EPN1: variants seen among roughly 807,000 people sequenced by gnomAD.
EPN1 encodes the protein epsin 1.
EPN1 carries 25 observed loss-of-function variants against 56.9 expected under a neutral mutation model. The observed-to-expected ratio is 0.44, with a 90% CI of 0.32 to 0.61. EPN1 has a LOEUF of 0.61. Ranked by LOEUF, EPN1 falls within the 20% of genes least tolerant of loss-of-function variation. The pLI, the probability that EPN1 is intolerant of heterozygous loss-of-function variation, is 0.05. For missense variants in EPN1, 785 were observed against 823.7 expected (o/e 0.95, Z 0.58); for synonymous variants, 411 against 361.8 (o/e 1.14, Z -1.54).
At chr19:55,693,124 C>A in intron 9 of EPN1, 87 bp downstream of exon 9, 1 of 1,353,812 alleles carries the variant, frequency 7.4e-7, no homozygotes, top group Non-Finnish European at 1.0e-6. Context: ...CTTTGTCCCA[C>A]TCCAGGCAGG....
In EPN1 at chr19:55,684,353, T is replaced by C. The variant is rs1251295218; in HGVS notation, c.229-1043T>C. ...TGCAGAATCAAAGTTGTGCCTTTTT[T>C]TGAGGTCAGTGACCAAGACACCCCC... On this transcript the variant is annotated intron_variant, in intron 2 of 10. Coordinates refer to ENST00000270460, the MANE Select transcript of EPN1 (RefSeq NM_001130072.2). 4.6e-5 allele frequency among the ~76,000 whole-genome samples: 7 copies of C among 152,092 alleles called. 1 individual carries two copies. The highest frequency in any genetic ancestry group is 1.0e-4 in the Non-Finnish European group (7 of 68,000).
intron 2 of EPN1, chr19:55,680,760 C>A: frequency 6.6e-6 from 1 of 152,520 alleles, no homozygotes. Context: ...CCCGCAGTCC[C>A]CTTCTGGAAG....
intron 3 of EPN1, 148 bp downstream of exon 3, chr19:55,685,793 T>A: frequency 9.6e-7 from 1 of 1,044,666 alleles, no homozygotes; most frequent in South Asian, 1.6e-5. Flanking sequence ...CCCCTTGCTC[T>A]GGTCTCACTT....
At chr19:55,684,582 G>T (rs1986037839) in intron 2 of EPN1, among the ~76,000 whole-genome samples, 2 of 152,192 alleles carry the variant, frequency 1.3e-5, no homozygotes, top group Non-Finnish European at 2.9e-5. Flanking sequence ...TTTTGCTCCT[G>T]GTGGTGTGGA....
At chr19:55,677,415 G>C (rs1172362444) in intron 1 of EPN1, 6 of 662,010 alleles carry the variant, frequency 9.1e-6, no homozygotes, top group East Asian at 5.5e-5. Flanking sequence ...CTTGTTTCTC[G>C]TCACCAGTCT....
chr19:55,688,706 G>A (rs535567110), intron 3 of EPN1, among the ~76,000 whole-genome samples, 164 bp from the exon 4 acceptor site: 4 of 151,848 alleles, frequency 2.6e-5, no homozygotes, highest in African/African-American at 7.2e-5. Flanking sequence ...AGCACCTGGC[G>A]TCTGGTCTCC....
intron 8 of EPN1, 31 bp from the exon 9 acceptor site, chr19:55,692,896 GGGGGCTGAGGCGGGGCCCCAGGGA>G (rs1251205278): frequency 1.1e-5 from 17 of 1,601,642 alleles, no homozygotes; most frequent in African/African-American, 2.7e-5. Context: ...GACTGGAGGT[GGGGGCTGAGGCGGGGCCCCAGGGA>G]GGGGCTGAGC....
chr19:55,678,995 A>T lies in EPN1; in HGVS notation c.228+140A>T. 3 of 643,230 alleles carry T rather than the reference A, an allele frequency of 4.7e-6. 1 individual carries two copies. The South Asian group carries it at 6.0e-5, about 13-fold the overall frequency. 39.8% of individuals were successfully genotyped at this position (643,230 alleles called of 1,614,324 possible). On this transcript the variant is annotated intron_variant, in intron 2 of 10. Coordinates refer to ENST00000270460, the MANE Select transcript of EPN1 (RefSeq NM_001130072.2). Reference sequence around the variant, plus strand: ...AGAGTAAAATCTCTCTTTTTGTTTAATGAAGGCAACGAATATAAGGCTAAG... The same window carrying T: ...AGAGTAAAATCTCTCTTTTTGTTTATTGAAGGCAACGAATATAAGGCTAAG...
intron 1 of EPN1, chr19:55,677,463 A>G (rs1985513312): frequency 4.0e-6 from 3 of 749,902 alleles, no homozygotes; most frequent in African/African-American, 1.8e-5. Context: ...ATTTAAAAGT[A>G]TGAGTTTTGG....
Position 55,692,813 on chromosome 19 carries a change from G to A in EPN1, c.1177+17G>A. 2 of 1,589,838 alleles carry A rather than the reference G, an allele frequency of 1.3e-6. No homozygotes were observed. The highest frequency in any genetic ancestry group is 4.5e-5 in the East Asian group (2 of 44,304). ...GCACAACAGGTACTGGAATGGGGGT[G>A]GGAATGGAGCCCCGGGTGGGAGTGA... is the stretch of plus-strand genomic sequence containing the variant. On this transcript the variant is annotated intron_variant, in intron 8 of 10. Coordinates refer to ENST00000270460, the MANE Select transcript of EPN1 (RefSeq NM_001130072.2).
chr19:55,704,352 CAG>C lies in EPN1; in HGVS notation c.*8997_*8998del, dbSNP rs1291286162. 3.9e-5 allele frequency: 6 copies of C among 152,336 alleles called. No individual in the cohort carries two copies. Among genetic ancestry groups the C allele is most frequent in the African/African-American group, 7.2e-5 (3 of 41,450 alleles). The allele number at this position is 152,336 out of a possible 1,614,324, so 9.4% of individuals were successfully genotyped here. A position where few individuals can be genotyped will look rare whatever the true frequency, so the allele number is the denominator to read the frequency against. On this transcript the variant is annotated 3_prime_UTR_variant, in exon 11 of 11. Transcript: ENST00000270460. The stretch of plus-strand genomic sequence containing the variant: ...CCCAGAATGGGGCTGTATTTGGAGA[CAG>C]GGCCTTTACAAGGTAAGTAAGGTTA...
chr19:55,689,357 G>C lies in EPN1; in HGVS notation c.664G>C (p.Glu222Gln), dbSNP rs1986385248. The C allele has an allele frequency of 6.4e-7, 1 of 1,551,704 alleles. No homozygotes were observed. Among genetic ancestry groups the C allele is most frequent in the Admixed American group, 2.0e-5 (1 of 50,962 alleles). Residue 222 changes from glutamate (E) to glutamine (Q), a missense_variant, in exon 5 of 11, where the codon GAA (glutamate) becomes CAA (glutamine). Physicochemically the swap from Glu to Gln is conservative, Grantham distance 29. Transcript: ENST00000270460. The surrounding 1 kb of genome is among the most constrained non-coding windows in gnomAD (Gnocchi z 5.7). ...QLQLALSLSR[E>Q]EHDKEERIRR... ...CCAGCTGGCCCTTAGTTTGAGCCGA[G>C]AAGAGCATGATAAGGTCAGAGCAGC...
rs1987126924 is a variant in EPN1, at chr19:55,701,276, C to G, written c.*5920C>G. 1 of 148,202 alleles carries G rather than the reference C, an allele frequency of 6.7e-6. No individual in the cohort carries two copies. The highest frequency in any genetic ancestry group is 2.2e-4 in the South Asian group (1 of 4,592). 9.2% of individuals were successfully genotyped at this position (148,202 alleles called of 1,614,324 possible). On this transcript the variant is annotated 3_prime_UTR_variant, in exon 11 of 11. Coordinates refer to ENST00000270460, the MANE Select transcript of EPN1 (RefSeq NM_001130072.2). ...CCAGCCTGGCCAACATGGCGAAACC[C>G]CGTCTCTACTAAAAATACAAAAATT...
At chr19:55,684,219 T>A (rs1300689385) in intron 2 of EPN1, among the ~76,000 whole-genome samples, 2 of 152,192 alleles carry the variant, frequency 1.3e-5, no homozygotes, top group Admixed American at 6.5e-5. Context: ...CTGGCATCTT[T>A]CCTGGCAGAT....
rs189049557 is a variant in EPN1 at position 55,708,474 on chromosome 19, C to T, written c.*13118C>T. 6.5e-6 allele frequency: 1 copy of T among 152,810 alleles called. No individual in the cohort carries two copies. Among genetic ancestry groups the T allele is most frequent in the South Asian group, 2.1e-4 (1 of 4,838 alleles). The allele number at this position is 152,810 out of a possible 1,614,324, so 9.5% of individuals were successfully genotyped here. On this transcript the variant is annotated 3_prime_UTR_variant, in exon 11 of 11. Coordinates refer to ENST00000270460, the MANE Select transcript of EPN1 (RefSeq NM_001130072.2). ...TTTTTTATTGGACAAGAAAATTGAT[C>T]AAATCGAAATCTGGACAAACTAGAA...
Position 55,707,196 on chromosome 19 carries a change from A to AG in EPN1, c.*11840_*11841insG. On this transcript the variant is annotated 3_prime_UTR_variant, in exon 11 of 11. Coordinates refer to ENST00000270460, the MANE Select transcript of EPN1 (RefSeq NM_001130072.2). ...TGAGGCTGTCTCTCAAAAAAAAAAA[A>AG]AAAGGAACGGTAGTGTGCACCTGTG... 6.6e-6 allele frequency: 1 copy of AG among 151,806 alleles called. No individual in the cohort carries two copies. The highest frequency in any genetic ancestry group is 2.4e-5 in the African/African-American group (1 of 41,336). The allele number at this position is 151,806 out of a possible 1,614,324, so 9.4% of individuals were successfully genotyped here.
rs867501817 is a variant in EPN1, at chr19:55,694,848, C to T, written c.1387C>T (p.Pro463Ser). Residue 463 changes from proline (P) to serine (S), a missense_variant, in exon 10 of 11, where the codon CCC becomes TCC. Physicochemically the swap from Pro to Ser is moderately conservative, Grantham distance 74. Around this residue, in one of 2 missense-constraint regions of EPN1, gnomAD observed 650 missense variants for 605.0 expected, o/e 1.07. Transcript: ENST00000270460. The surrounding 1 kb of genome is among the most constrained non-coding windows in gnomAD (Gnocchi z 4.2). ...CCCCCCACCTGCAGCCACACCAACT[C>T]CCACGCCCCCCACCCGGAAGACGCC... ...GSPPPAATPT[P>S]TPPTRKTPES... 1 of 1,608,562 alleles carries T rather than the reference C, an allele frequency of 6.2e-7. No individual in the cohort carries two copies. The highest frequency in any genetic ancestry group is 8.5e-7 in the Non-Finnish European group (1 of 1,177,812).
chr19:55,705,624 G>T lies in EPN1; in HGVS notation c.*10268G>T. 6.6e-6 allele frequency: 1 copy of T among 152,162 alleles called. No individual in the cohort carries two copies. 9.4% of individuals were successfully genotyped at this position (152,162 alleles called of 1,614,324 possible). A position where few individuals can be genotyped will look rare whatever the true frequency, so the allele number is the denominator to read the frequency against. On this transcript the variant is annotated 3_prime_UTR_variant, in exon 11 of 11. Coordinates refer to ENST00000270460, the MANE Select transcript of EPN1 (RefSeq NM_001130072.2). The stretch of plus-strand genomic sequence containing the variant: ...AGATCGCACCATTGCACTCCAGCAT[G>T]GACAACAGAGCAAGACCCTTTCTTA...
At chr19:55,677,157 C>T (rs767318795) in intron 1 of EPN1, 1 of 1,551,586 alleles carries the variant, frequency 6.4e-7, no homozygotes, top group Non-Finnish European at 8.7e-7. Flanking sequence ...TCTGTGGCTT[C>T]TTGGAGCCGC....
Sources: gnomAD v4.1 joint callset for allele counts (sites outside exome capture counted in the v4.1 genomes callset) on GRCh38, gnomAD v4.1.1 for gene constraint, gnomAD v4.1.1 regional missense constraint, Gnocchi (gnomAD v3.1) non-coding constraint, MANE v1.5 for transcripts, NCBI Gene and HGNC (gene_info 2026-07-23, HGNC 2026-07-21) for gene names.